KLRG1: variants seen among roughly 807,000 people sequenced by gnomAD.
The protein encoded by KLRG1 is killer cell lectin like receptor G1, also known as killer cell lectin-like receptor subfamily G member 1.
KLRG1 carries 16 observed loss-of-function variants against 21.8 expected under a neutral mutation model. The ratio of observed to expected loss-of-function variants is 0.73; its 90% CI spans 0.50 to 1.11. KLRG1 has a LOEUF of 1.11. KLRG1 is among the 50% of genes most tolerant of loss of function. The pLI, the probability that KLRG1 is intolerant of heterozygous loss-of-function variation, is 0.00. For missense variants in KLRG1, 173 were observed against 218.3 expected, an observed-to-expected ratio of 0.79 and a Z score of 1.31; for synonymous variants, 69 against 75.9, an observed-to-expected ratio of 0.91 and a Z score of 0.47.
At chr12:9,099,427 A>G in the KLRG1 span, 26 of 1,587,270 alleles carry the variant, frequency 1.6e-5, no homozygotes, top group African/African-American at 1.6e-4. Flanking sequence ...AGAATCCCCA[A>G]TCACGTCCCC....
At chr12:9,186,027 C>A in the KLRG1 span, among the ~76,000 whole-genome samples, 1 of 151,840 alleles carries the variant, frequency 6.6e-6, no homozygotes, top group Admixed American at 6.6e-5. Context: ...AGGATGGTCT[C>A]GATCTCCTGA....
At chr12:9,030,375 G>A in the KLRG1 span, among the ~76,000 whole-genome samples, 1 of 151,936 alleles carries the variant, frequency 6.6e-6, no homozygotes, top group Admixed American at 6.5e-5. Flanking sequence ...TCACCATGTT[G>A]TGCAGCCATT....
chr12:9,201,272 C>T, the KLRG1 span: 1 of 1,439,376 alleles, frequency 6.9e-7, no homozygotes, highest in Non-Finnish European at 9.7e-7. Flanking sequence ...TTATCAGAAC[C>T]TCCTACTCTC....
chr12:9,183,149 C>T, the KLRG1 span, among the ~76,000 whole-genome samples: 1 of 151,912 alleles, frequency 6.6e-6, no homozygotes, highest in African/African-American at 2.4e-5. Context: ...AGTCTAATAC[C>T]CTTAGGAATA....
chr12:9,106,417 A>G, the KLRG1 span: 32 of 1,430,718 alleles, frequency 2.2e-5, 1 homozygote, highest in East Asian at 3.2e-4. Context: ...CCTCCCCCCA[A>G]CTTACAATTC....
the KLRG1 span, chr12:9,057,665 T>G: frequency 1.3e-5 from 2 of 152,650 alleles, no homozygotes; most frequent in Non-Finnish European, 2.9e-5. Flanking sequence ...GGTTTCAGCT[T>G]TCTTATGGGG....
At chr12:9,041,254 G>A in the KLRG1 span, among the ~76,000 whole-genome samples, 8 of 152,264 alleles carry the variant, frequency 5.3e-5, no homozygotes, top group South Asian at 1.7e-3. Context: ...AGAATCACTC[G>A]AACCTGGGAG....
At chr12:9,163,874 C>A in the KLRG1 span, 1 of 1,459,088 alleles carries the variant, frequency 6.9e-7, no homozygotes, top group Middle Eastern at 1.8e-4. Flanking sequence ...TTATAGTTGT[C>A]CAGAATAGAA....
the KLRG1 span, among the ~76,000 whole-genome samples, chr12:9,178,575 C>T: frequency 1.3e-5 from 2 of 152,094 alleles, no homozygotes. Flanking sequence ...ACGGTAAGAA[C>T]GAATCTTCTA....
chr12:9,093,543 A>C, the KLRG1 span: 3 of 1,612,338 alleles, frequency 1.9e-6, no homozygotes, highest in African/African-American at 1.3e-5. Context: ...TTCAACATGC[A>C]CCAGGCGTGC....
chr12:9,158,548 C>T, the KLRG1 span: 115 of 1,613,800 alleles, frequency 7.1e-5, no homozygotes, highest in African/African-American at 1.3e-4. Context: ...CGAGCCTGGG[C>T]GAAAGTCTTC....
the KLRG1 span, chr12:9,072,216 A>G: frequency 2.2e-5 from 21 of 969,546 alleles, no homozygotes; most frequent in Non-Finnish European, 2.9e-5. Flanking sequence ...TCATTGAGAA[A>G]TTATATCAAC....
chr12:9,089,092 G>T, the KLRG1 span: 1 of 866,488 alleles, frequency 1.2e-6, no homozygotes, highest in Non-Finnish European at 1.8e-6. Context: ...CATTGATGGT[G>T]CTTCAGGTCT....
chr12:9,153,334 C>A, the KLRG1 span: 44 of 1,613,726 alleles, frequency 2.7e-5, no homozygotes, highest in Middle Eastern at 3.3e-4. Context: ...TGGAGAGCCA[C>A]CACTGTGTCC....
At chr12:9,106,902 T>A in the KLRG1 span, among the ~76,000 whole-genome samples, 1 of 152,328 alleles carries the variant, frequency 6.6e-6, no homozygotes, top group South Asian at 2.1e-4. Context: ...TTTATACATA[T>A]TTATGGGGTA....
chr12:9,195,309 C>T, the KLRG1 span, among the ~76,000 whole-genome samples: 3 of 152,016 alleles, frequency 2.0e-5, no homozygotes, highest in Non-Finnish European at 4.4e-5. Flanking sequence ...TAGTTACTAA[C>T]GTTATTATTA....
the KLRG1 span, among the ~76,000 whole-genome samples, chr12:9,136,115 T>G: frequency 6.6e-6 from 1 of 152,196 alleles, no homozygotes; most frequent in African/African-American, 2.4e-5. Flanking sequence ...GGTCAGACTT[T>G]GTATTGTGTT....
At chr12:9,106,292 G>T in the KLRG1 span, 2 of 1,613,366 alleles carry the variant, frequency 1.2e-6, no homozygotes, top group Non-Finnish European at 8.5e-7. Flanking sequence ...ACAAATGAGA[G>T]TTTGGTTATG....
the KLRG1 span, among the ~76,000 whole-genome samples, chr12:9,080,817 G>A: frequency 6.6e-6 from 1 of 151,900 alleles, no homozygotes; most frequent in East Asian, 1.9e-4. Flanking sequence ...GAGAAGTATG[G>A]TATTTATTTT....
Sources: gnomAD v4.1 joint callset for allele counts (sites outside exome capture counted in the v4.1 genomes callset) on GRCh38, gnomAD v4.1.1 for gene constraint, MANE v1.5 for transcripts, NCBI Gene and HGNC (gene_info 2026-07-23, HGNC 2026-07-21) for gene names.